Variants in CDC42BPA observed in about 807,000 individuals in gnomAD.
The protein encoded by CDC42BPA is CDC42 binding protein kinase alpha.
A neutral mutation model predicts 223.5 loss-of-function variants in CDC42BPA; 80 were observed. The ratio of observed to expected loss-of-function variants is 0.36; its 90% CI spans 0.30 to 0.43. CDC42BPA has a LOEUF of 0.43. CDC42BPA is among the 20% of genes least tolerant of loss of function. CDC42BPA has a pLI of 1.00. For missense variants in CDC42BPA, 1,743 were observed against 2,099.9 expected (o/e 0.83, Z 3.32); for synonymous variants, 694 against 718.6 (o/e 0.97, Z 0.55).
chr1:227,286,220 T>G (rs569355748), intron 1 of CDC42BPA, among the ~76,000 whole-genome samples: 1 of 152,278 alleles, frequency 6.6e-6, no homozygotes, highest in African/African-American at 2.4e-5. Context: ...TATTATAAGC[T>G]CCAACTTTAA....
At chr1:227,055,646 T>A (rs1179009962) in intron 21 of CDC42BPA, among the ~76,000 whole-genome samples, 1 of 152,146 alleles carries the variant, frequency 6.6e-6, no homozygotes, top group East Asian at 1.9e-4. Flanking sequence ...AGTTAAAATA[T>A]TCTTTTTGTC....
At chr1:227,123,480 A>G (rs911876174) in intron 11 of CDC42BPA, among the ~76,000 whole-genome samples, 1 of 152,184 alleles carries the variant, frequency 6.6e-6, no homozygotes, top group African/African-American at 2.4e-5. Flanking sequence ...AATATAAAAC[A>G]TGGAATCTGT....
intron 5 of CDC42BPA, among the ~76,000 whole-genome samples, chr1:227,185,005 A>G (rs1302289753): frequency 1.3e-5 from 2 of 152,192 alleles, no homozygotes; most frequent in East Asian, 3.9e-4. Flanking sequence ...TCAGTAGAAA[A>G]TAATAGTAAT....
At position 227,170,535 on chromosome 1, in the gene CDC42BPA, GTAT is replaced by G. The variant is rs1665925845; in HGVS notation, c.600-9902_600-9900del. On this transcript the variant is annotated intron_variant, in intron 5 of 36. Transcript: ENST00000366766. ...TTCAGGGTGTATGGTGGACAGAGAT[GTAT>G]TATCTTCTCCCTCAATGATGAGCTT... is the stretch of plus-strand genomic sequence containing the variant. 2.0e-5 allele frequency among the ~76,000 whole-genome samples: 3 copies of G among 152,052 alleles called. No individual in the cohort carries two copies. In the South Asian group the frequency reaches 6.2e-4, roughly 32 times the overall value.
At chr1:227,146,432 G>T (rs1660718356) in intron 7 of CDC42BPA, among the ~76,000 whole-genome samples, 1 of 152,014 alleles carries the variant, frequency 6.6e-6, no homozygotes, top group Middle Eastern at 3.4e-3. Context: ...CATTATCTTT[G>T]CAAACAGGAA....
Position 227,112,668 on chromosome 1 carries a change from A to G in CDC42BPA, c.1890+3T>C, listed in dbSNP as rs1687127456. Reference sequence around the variant, plus strand: ...GCACTACAAAATTTGCCTGACTACTAACCTCTTTTTTGGCTCTTTCTGTTC... The same window carrying G: ...GCACTACAAAATTTGCCTGACTACTGACCTCTTTTTTGGCTCTTTCTGTTC... On this transcript the variant is annotated splice_donor_region_variant and intron_variant, in intron 13 of 36. Transcript: ENST00000366766. 1.2e-6 allele frequency: 2 copies of G among 1,613,090 alleles called. No individual in the cohort carries two copies. Among genetic ancestry groups the G allele is most frequent in the African/African-American group, 1.3e-5 (1 of 74,748 alleles).
chr1:227,284,902 C>A (rs555541188), intron 1 of CDC42BPA, among the ~76,000 whole-genome samples: 24 of 150,244 alleles, frequency 1.6e-4, no homozygotes, highest in Non-Finnish European at 2.9e-4. Context: ...GAGAAGGCTG[C>A]AGTTACCCAA....
In CDC42BPA at chr1:227,145,584, T is replaced by G; in HGVS notation, c.1048A>C (p.Asn350His). The change falls in exon 8 of 37, where the codon AAT (asparagine) becomes CAT (histidine). Residue 350 changes from asparagine to histidine, a missense_variant. Physicochemically the swap from Asn to His is moderately conservative, Grantham distance 68. This residue lies in a region of CDC42BPA where 321 missense variants were observed against 488.7 expected (regional missense o/e 0.66). Transcript: ENST00000366766. ...TAAGGTGCTTCACAGTTCCGAATAT[T>G]ATCCCAATCAATTCCACTGAAAAAT... ...HPFFSGIDWD[N>H]IRNCEAPYIP... 6.2e-7 allele frequency: 1 copy of G among 1,613,792 alleles called. No individual in the cohort carries two copies. Among genetic ancestry groups the G allele is most frequent in the East Asian group, 2.2e-5 (1 of 44,808 alleles).
At chr1:227,147,205 A>G (rs1242475902) in intron 7 of CDC42BPA, among the ~76,000 whole-genome samples, 154 bp downstream of exon 7, 2 of 152,184 alleles carry the variant, frequency 1.3e-5, no homozygotes, top group African/African-American at 2.4e-5. Context: ...CTTATGAATA[A>G]TTTATGGATT....
intron 1 of CDC42BPA, among the ~76,000 whole-genome samples, chr1:227,290,981 G>A (rs1347343132): frequency 2.0e-5 from 3 of 152,112 alleles, no homozygotes; most frequent in Admixed American, 6.6e-5. Flanking sequence ...AATCCATTCC[G>A]TCTTCCTAAA....
chr1:227,200,002 A>G (rs1489419986), intron 3 of CDC42BPA, among the ~76,000 whole-genome samples: 2 of 152,228 alleles, frequency 1.3e-5, no homozygotes, highest in East Asian at 1.9e-4. Flanking sequence ...TGTAAATTGT[A>G]TCCTTCCTAC....
chr1:227,118,408 T>C lies in CDC42BPA; in HGVS notation c.1647+1396A>G, dbSNP rs888899438. On this transcript the variant is annotated intron_variant, in intron 12 of 36. Transcript: ENST00000366766. ...TTTTTAAAAGACAAAGGATAACAAG[T>C]GTTGGCAAGGAATGTGGAGAAAAAT... Among the ~76,000 whole-genome samples the C allele has an allele frequency of 3.3e-5, 5 of 152,098 alleles. No homozygotes were observed. In the East Asian group the frequency reaches 7.7e-4, roughly 23 times the overall value.
In CDC42BPA at chr1:227,254,385, G is replaced by C. The variant is rs538768494; in HGVS notation, c.179-230C>G. 1.4e-4 allele frequency among the ~76,000 whole-genome samples: 22 copies of C among 152,188 alleles called. No individual in the cohort carries two copies. The South Asian group carries it at 3.7e-3, about 26-fold the overall frequency. On this transcript the variant is annotated intron_variant, in intron 1 of 36. Coordinates refer to ENST00000366766, the MANE Select transcript of CDC42BPA (RefSeq NM_001394014.1). ...ATTACATTTTTGGTGAGAAATGTAT[G>C]TTTAAACTCCAAATAACATATAAAA...
intron 34 of CDC42BPA, among the ~76,000 whole-genome samples, chr1:227,010,131 G>A (rs2148427146): frequency 6.6e-6 from 1 of 152,214 alleles, no homozygotes; most frequent in South Asian, 2.1e-4. Context: ...CAGCTTTAAT[G>A]GCCACCAGCT....
chr1:227,112,575 AG>A (rs1405584523), intron 13 of CDC42BPA, 95 bp downstream of exon 13: 1 of 1,031,110 alleles, frequency 9.7e-7, no homozygotes, highest in Non-Finnish European at 1.3e-6. Context: ...AAATAACTTT[AG>A]AAATATTTTA....
chr1:227,279,212 ATCAAC>A (rs1687626152), intron 1 of CDC42BPA, among the ~76,000 whole-genome samples: 1 of 152,144 alleles, frequency 6.6e-6, no homozygotes, highest in Non-Finnish European at 1.5e-5. Flanking sequence ...TCCTAACTCC[ATCAAC>A]TCTTCATTAG....
At position 227,308,583 on chromosome 1, in the gene CDC42BPA, A is replaced by C. The variant is rs796200414; in HGVS notation, c.178+8422T>G. Among the ~76,000 whole-genome samples, 28 of 152,178 alleles carry C rather than the reference A, an allele frequency of 1.8e-4. 1 individual carries two copies. Among genetic ancestry groups the C allele is most frequent in the African/African-American group, 6.7e-4 (28 of 41,516 alleles). Reference sequence around the variant, plus strand: ...ACCATAAATCACCAGAAAAGGAAGAATCCTAAACCAACTTTTAACTTTTTA... The same window carrying C: ...ACCATAAATCACCAGAAAAGGAAGACTCCTAAACCAACTTTTAACTTTTTA... On this transcript the variant is annotated intron_variant, in intron 1 of 36. Coordinates refer to ENST00000366766, the MANE Select transcript of CDC42BPA (RefSeq NM_001394014.1).
At chr1:227,203,624 T>A (rs1002560509) in intron 3 of CDC42BPA, among the ~76,000 whole-genome samples, 2 of 152,138 alleles carry the variant, frequency 1.3e-5, no homozygotes, top group Non-Finnish European at 2.9e-5. Context: ...TAAGAATGTA[T>A]TAATAACAAA....
At chr1:227,270,688 T>C (rs988433386) in intron 1 of CDC42BPA, among the ~76,000 whole-genome samples, 5 of 152,196 alleles carry the variant, frequency 3.3e-5, no homozygotes, top group Non-Finnish European at 7.4e-5. Context: ...TTCTACAATT[T>C]CATCACCCCA....
Sources: gnomAD v4.1 joint callset for allele counts (sites outside exome capture counted in the v4.1 genomes callset) on GRCh38, gnomAD v4.1.1 for gene constraint, gnomAD v4.1.1 regional missense constraint, MANE v1.5 for transcripts, NCBI Gene and HGNC (gene_info 2026-07-23, HGNC 2026-07-21) for gene names.